The following LDB2 variants were observed in gnomAD, a reference collection of about 807,000 sequenced individuals.
The protein encoded by LDB2 is LIM domain-binding protein 2.
Under a neutral mutation model 44.3 loss-of-function variants are expected in LDB2, and 12 were observed. The ratio of observed to expected loss-of-function variants is 0.27; its 90% CI spans 0.17 to 0.44. LDB2 has a LOEUF of 0.44. LDB2 is among the 20% of genes least tolerant of loss of function. The probability of loss-of-function intolerance (pLI) is 1.00; values close to 1 mark genes in which losing one functional copy is unlikely to be tolerated. For missense variants in LDB2, 344 were observed against 473.5 expected (o/e 0.73, Z 2.54); for synonymous variants, 164 against 174.8 (o/e 0.94, Z 0.49).
intron 1 of LDB2, among the ~76,000 whole-genome samples, chr4:16,869,224 A>G (rs796265756): frequency 1.3e-5 from 2 of 152,156 alleles, no homozygotes; most frequent in African/African-American, 4.8e-5. Flanking sequence ...GACACACAGT[A>G]GTAAAATGTT....
chr4:16,508,572 G>A lies in LDB2; in HGVS notation c.854C>T (p.Thr285Ile), dbSNP rs771828844. Residue 285 changes from threonine (T) to isoleucine (I), a missense_variant, in exon 7 of 8, where the codon ACC becomes ATC. Thr to Ile is a moderately conservative substitution (Grantham distance 89). This residue lies in a region of LDB2 where 86 missense variants were observed against 171.2 expected (regional missense o/e 0.50). Transcript: ENST00000304523. ...GGACAGACTCAGGTTTGCAGCTGTGGTCTTCTTCTTGCTGCCAGTGCTGTT... is the reference window on the plus strand; with the variant it reads ...GGACAGACTCAGGTTTGCAGCTGTGATCTTCTTCTTGCTGCCAGTGCTGTT... ...NANSTGSKKK[T>I]TAANLSLSSQ... 3 of 1,609,036 alleles carry A rather than the reference G, an allele frequency of 1.9e-6. No homozygotes were observed. The highest frequency in any genetic ancestry group is 8.5e-7 in the Non-Finnish European group (1 of 1,177,294).
intron 1 of LDB2, among the ~76,000 whole-genome samples, chr4:16,826,062 T>G (rs1783005424): frequency 6.6e-6 from 1 of 151,904 alleles, no homozygotes; most frequent in Non-Finnish European, 1.5e-5. Flanking sequence ...ATGTTATATA[T>G]ATCTATCTAA....
intron 5 of LDB2, among the ~76,000 whole-genome samples, chr4:16,520,148 C>T (rs940988192): frequency 1.2e-4 from 19 of 152,126 alleles, no homozygotes; most frequent in African/African-American, 2.2e-4. Flanking sequence ...GCCGCCCCAC[C>T]GCCAGTAATT....
At chr4:16,775,794 AC>A (rs1455713630) in intron 1 of LDB2, among the ~76,000 whole-genome samples, 2 of 152,122 alleles carry the variant, frequency 1.3e-5, no homozygotes, top group Non-Finnish European at 2.9e-5. Context: ...TTTTTCCTGT[AC>A]CCCTAGTGCC....
chr4:16,560,747 C>T (rs979104135), intron 5 of LDB2, among the ~76,000 whole-genome samples: 35 of 152,072 alleles, frequency 2.3e-4, no homozygotes, highest in African/African-American at 5.6e-4. Flanking sequence ...TACCAAAGCC[C>T]GGCAGAGACA....
intron 2 of LDB2, among the ~76,000 whole-genome samples, chr4:16,640,470 C>A (rs1286988708): frequency 6.6e-6 from 1 of 152,076 alleles, no homozygotes; most frequent in Non-Finnish European, 1.5e-5. Flanking sequence ...GCCACGAGGA[C>A]AATATTAGGG....
chr4:16,837,684 C>A (rs901517501), intron 1 of LDB2, among the ~76,000 whole-genome samples: 3 of 152,208 alleles, frequency 2.0e-5, no homozygotes, highest in African/African-American at 7.2e-5. Context: ...GTTCAATCAC[C>A]CAGCCCACGT....
intron 2 of LDB2, among the ~76,000 whole-genome samples, chr4:16,656,980 A>G (rs1393409690): frequency 5.3e-5 from 8 of 152,230 alleles, no homozygotes; most frequent in Admixed American, 5.2e-4. Context: ...CCTATTCTAG[A>G]ACTGAGAAAA....
chr4:16,625,160 T>G (rs1169828749), intron 2 of LDB2, among the ~76,000 whole-genome samples: 3 of 152,134 alleles, frequency 2.0e-5, no homozygotes, highest in Admixed American at 2.0e-4. Context: ...TACCTCTCTC[T>G]AAGTCCCTGC....
At chr4:16,600,163 C>T (rs143506140) in intron 2 of LDB2, among the ~76,000 whole-genome samples, 57 of 152,256 alleles carry the variant, frequency 3.7e-4, no homozygotes, top group Non-Finnish European at 6.5e-4. Context: ...TTAGGTTCAG[C>T]GGTCACCTAA....
intron 2 of LDB2, among the ~76,000 whole-genome samples, chr4:16,739,073 C>T (rs1217910844): frequency 1.3e-5 from 2 of 152,020 alleles, no homozygotes; most frequent in Non-Finnish European, 2.9e-5. Context: ...CCAATTCTTC[C>T]AGATGAAACT....
intron 1 of LDB2, among the ~76,000 whole-genome samples, chr4:16,786,503 G>A (rs986797938): frequency 6.6e-6 from 1 of 152,134 alleles, no homozygotes; most frequent in Non-Finnish European, 1.5e-5. Flanking sequence ...CTTGTGTACT[G>A]AGAAACTGGA....
chr4:16,585,411 G>A (rs1156916614), intron 5 of LDB2, among the ~76,000 whole-genome samples: 1 of 152,180 alleles, frequency 6.6e-6, no homozygotes, highest in Non-Finnish European at 1.5e-5. Flanking sequence ...TAGAGAGGAA[G>A]AATCTCCTTC....
At chr4:16,618,216 C>G (rs1727886137) in intron 2 of LDB2, among the ~76,000 whole-genome samples, 1 of 152,192 alleles carries the variant, frequency 6.6e-6, no homozygotes, top group Non-Finnish European at 1.5e-5. Context: ...CCCCCAGCAG[C>G]TTCCATTTTC....
chr4:16,772,458 C>T (rs1214834652), intron 1 of LDB2, among the ~76,000 whole-genome samples: 2 of 152,184 alleles, frequency 1.3e-5, no homozygotes, highest in African/African-American at 2.4e-5. Context: ...CCCTCTTGAA[C>T]TCCCACAGGG....
intron 2 of LDB2, among the ~76,000 whole-genome samples, chr4:16,738,468 T>C (rs1762336947): frequency 6.6e-6 from 1 of 152,236 alleles, no homozygotes; most frequent in South Asian, 2.1e-4. Flanking sequence ...AAATTATTTT[T>C]CTATAGCCTT....
chr4:16,724,476 G>T (rs1438236938), intron 2 of LDB2, among the ~76,000 whole-genome samples: 2 of 151,814 alleles, frequency 1.3e-5, no homozygotes, highest in Non-Finnish European at 2.9e-5. Flanking sequence ...CCAGGGCTGG[G>T]ACCTGGAAGG....
At chr4:16,850,947 A>AGTGTGT (rs71181193) in intron 1 of LDB2, among the ~76,000 whole-genome samples, 11,426 of 143,030 alleles carry the variant, frequency 0.08, 494 homozygotes, top group African/African-American at 0.1. Context: ...TAAAACCATA[A>AGTGTGT]GTGTGTGTGT....
chr4:16,788,224 A>G (rs1244948451), intron 1 of LDB2, among the ~76,000 whole-genome samples: 2 of 152,326 alleles, frequency 1.3e-5, no homozygotes, highest in African/African-American at 2.4e-5. Flanking sequence ...GCTCCAGACC[A>G]TTCTATTAAC....
Sources: allele counts gnomAD v4.1 joint callset (sites outside exome capture counted in the v4.1 genomes callset), GRCh38; gene constraint gnomAD v4.1.1; regional missense constraint gnomAD v4.1.1; transcripts MANE v1.5; gene names NCBI Gene and HGNC (gene_info 2026-07-23, HGNC 2026-07-21).